L2HGDH: variants seen among roughly 807,000 people sequenced by gnomAD.
The protein encoded by L2HGDH is L-2-hydroxyglutarate dehydrogenase, mitochondrial.
Under a neutral mutation model 51.5 loss-of-function variants are expected in L2HGDH, and 34 were observed. The observed-to-expected ratio is 0.66, with a 90% confidence interval of 0.50 to 0.88. L2HGDH has a LOEUF of 0.88. Among genes scored for constraint, L2HGDH ranks in the 40% least tolerant of loss-of-function variants. L2HGDH has a pLI of 0.00. For missense variants in L2HGDH, 558 were observed against 571.9 expected (o/e 0.98, Z 0.25); for synonymous variants, 198 against 197.9 (o/e 1.00, Z -0.01).
Position 50,263,399 on chromosome 14 carries a change from T to G in L2HGDH, c.1196+1959A>C, listed in dbSNP as rs577282236. ...GAAAAACGTTAGCTGAGTTTTAATC[T>G]TCTAAGGATTCAAACATGCTGGTCT... On this transcript the variant is annotated intron_variant, in intron 9 of 9. Transcript: ENST00000267436. 3.3e-5 allele frequency among the ~76,000 whole-genome samples: 5 copies of G among 152,338 alleles called. No individual in the cohort carries two copies. The South Asian group carries it at 1.0e-3, about 32-fold the overall frequency.
chr14:50,312,193 C>G lies in L2HGDH; in HGVS notation c.-43G>C, dbSNP rs1177775138. The G allele has an allele frequency of 3.1e-6, 5 of 1,604,522 alleles. No individual in the cohort carries two copies. The African/African-American group carries it at 6.7e-5, about 21-fold the overall frequency. On this transcript the variant is annotated 5_prime_UTR_variant, in exon 1 of 10. Coordinates refer to ENST00000267436, the MANE Select transcript of L2HGDH (RefSeq NM_024884.3). ...CTCCCTCAGCGCTCAGAAGAAGCCACTTGACCCTCCACGGCCGAGGACCCG... is the reference window on the plus strand; with the variant it reads ...CTCCCTCAGCGCTCAGAAGAAGCCAGTTGACCCTCCACGGCCGAGGACCCG...
At position 50,278,569 on chromosome 14, in the gene L2HGDH, T is replaced by C; in HGVS notation, c.704-15A>G. ...ATATTGCATTCCTGAAAAAAAAGAA[T>C]AAGTGAAAAATTTATTTTTAGCAAA... On this transcript the variant is annotated splice_polypyrimidine_tract_variant and intron_variant, in intron 5 of 9. Coordinates refer to ENST00000267436, the MANE Select transcript of L2HGDH (RefSeq NM_024884.3). The C allele has an allele frequency of 1.5e-6, 2 of 1,336,812 alleles. No homozygotes were observed. The highest frequency in any genetic ancestry group is 1.3e-5 in the South Asian group (1 of 79,948). 82.8% of individuals were successfully genotyped at this position (1,336,812 alleles called of 1,614,324 possible). A position where few individuals can be genotyped will look rare whatever the true frequency, so the allele number is the denominator to read the frequency against.
At position 50,244,960 on chromosome 14, in the gene L2HGDH, C is replaced by CATTTCTATTTTCTA; in HGVS notation, c.*2097_*2098insTAGAAAATAGAAAT. On this transcript the variant is annotated 3_prime_UTR_variant, in exon 10 of 10. Coordinates refer to ENST00000267436, the MANE Select transcript of L2HGDH (RefSeq NM_024884.3). ...ACTCAAAGTTCTGCAGTCAGGTCGC[C>CATTTCTATTTTCTA]ACATTTTCATTTACAATTTCTATTT... The CATTTCTATTTTCTA allele has an allele frequency of 1.0e-6, 1 of 985,450 alleles. No homozygotes were observed. The highest frequency in any genetic ancestry group is 1.2e-6 in the Non-Finnish European group (1 of 829,898). 61.0% of individuals were successfully genotyped at this position (985,450 alleles called of 1,614,324 possible). A position where few individuals can be genotyped will look rare whatever the true frequency, so the allele number is the denominator to read the frequency against.
chr14:50,270,724 T>A (rs1889630145), intron 6 of L2HGDH, among the ~76,000 whole-genome samples: 1 of 152,138 alleles, frequency 6.6e-6, no homozygotes, highest in Admixed American at 6.6e-5. Flanking sequence ...GCCAGGATGG[T>A]CTCGATCTCC....
chr14:50,306,507 C>A (rs181113298), intron 1 of L2HGDH, among the ~76,000 whole-genome samples: 52 of 151,928 alleles, frequency 3.4e-4, no homozygotes, highest in Non-Finnish European at 6.6e-4. Flanking sequence ...GGTAGCATAA[C>A]CTTGGCCCTT....
intron 4 of L2HGDH, among the ~76,000 whole-genome samples, chr14:50,291,060 T>C (rs1345510297): frequency 6.0e-5 from 9 of 151,114 alleles, no homozygotes; most frequent in Non-Finnish European, 1.5e-5. Flanking sequence ...TAGCCAGGCA[T>C]GGTGACATGT....
intron 7 of L2HGDH, 112 bp from the exon 8 acceptor site, chr14:50,268,022 T>C (rs1889446032): frequency 6.8e-6 from 7 of 1,025,292 alleles, no homozygotes; most frequent in South Asian, 2.6e-5. Context: ...TTAATTTGTA[T>C]TGTGAGCTGT....
rs567414465 is a variant in L2HGDH at position 50,244,957 on chromosome 14, C to A, written c.*2101G>T. 1 of 985,370 alleles carries A rather than the reference C, an allele frequency of 1.0e-6. No homozygotes were observed. 61.0% of individuals were successfully genotyped at this position (985,370 alleles called of 1,614,324 possible). On this transcript the variant is annotated 3_prime_UTR_variant, in exon 10 of 10. Transcript: ENST00000267436. ...AGTACTCAAAGTTCTGCAGTCAGGT[C>A]GCCACATTTTCATTTACAATTTCTA...
intron 8 of L2HGDH, 27 bp from the exon 9 acceptor site, chr14:50,265,516 TGAGA>T: frequency 2.5e-6 from 4 of 1,596,668 alleles, no homozygotes; most frequent in Non-Finnish European, 3.4e-6. Context: ...AAAATCTTTA[TGAGA>T]GAAAGGAATT....
At chr14:50,297,171 A>T (rs1201841741) in intron 3 of L2HGDH, among the ~76,000 whole-genome samples, 1 of 152,206 alleles carries the variant, frequency 6.6e-6, no homozygotes, top group Non-Finnish European at 1.5e-5. Flanking sequence ...AAAAGATTGA[A>T]TGCTTTCTCT....
intron 9 of L2HGDH, among the ~76,000 whole-genome samples, chr14:50,252,629 G>T (rs549014434): frequency 3.7e-4 from 56 of 151,968 alleles, no homozygotes; most frequent in Non-Finnish European, 6.9e-4. Context: ...GGAATAGCTA[G>T]AATAGCTATA....
At chr14:50,283,547 T>C (rs917696741) in intron 5 of L2HGDH, among the ~76,000 whole-genome samples, 1 of 152,124 alleles carries the variant, frequency 6.6e-6, no homozygotes, top group African/African-American at 2.4e-5. Flanking sequence ...CCAAGGAGGA[T>C]TGGTTCCAGG....
rs1887954443 is a variant in L2HGDH at position 50,245,505 on chromosome 14, T to C, written c.*1553A>G. 2 of 974,710 alleles carry C rather than the reference T, an allele frequency of 2.1e-6. No individual in the cohort carries two copies. The highest frequency in any genetic ancestry group is 1.1e-4 in the East Asian group (1 of 8,792). The allele number at this position is 974,710 out of a possible 1,614,324, so 60.4% of individuals were successfully genotyped here. A position where few individuals can be genotyped will look rare whatever the true frequency, so the allele number is the denominator to read the frequency against. ...AGTTTGTTTTGTTATTTCCTACAAATATTATAATTAAGATAGAAACTTATT... is the reference window on the plus strand; with the variant it reads ...AGTTTGTTTTGTTATTTCCTACAAACATTATAATTAAGATAGAAACTTATT... On this transcript the variant is annotated 3_prime_UTR_variant, in exon 10 of 10. Transcript: ENST00000267436.
At chr14:50,279,567 C>T (rs967193435) in intron 5 of L2HGDH, among the ~76,000 whole-genome samples, 2 of 151,940 alleles carry the variant, frequency 1.3e-5, no homozygotes, top group Non-Finnish European at 2.9e-5. Flanking sequence ...GGGCCAAGCA[C>T]AGTGGCTCAT....
At position 50,265,357 on chromosome 14, in the gene L2HGDH, C is replaced by T; in HGVS notation, c.1196+1G>A. 1 of 1,610,534 alleles carries T rather than the reference C, an allele frequency of 6.2e-7. No homozygotes were observed. Among genetic ancestry groups the T allele is most frequent in the Non-Finnish European group, 8.5e-7 (1 of 1,176,936 alleles). On this transcript the variant is annotated splice_donor_variant, in intron 9 of 9. Coordinates refer to ENST00000267436, the MANE Select transcript of L2HGDH (RefSeq NM_024884.3). LOFTEE classifies it high-confidence loss of function. ...TTACACTCCTTATCCCTTTTCCTTA[C>T]CTAAGTATATCACTGATAGTAATTT... is the stretch of plus-strand genomic sequence containing the variant.
intron 8 of L2HGDH, among the ~76,000 whole-genome samples, chr14:50,267,391 CCAGGATGGT>C (rs1291426590): frequency 1.3e-5 from 2 of 152,046 alleles, no homozygotes; most frequent in Admixed American, 1.3e-4. Flanking sequence ...ATCGTGTTAG[CCAGGATGGT>C]CTTGATCTCC....
chr14:50,272,137 T>A (rs1236549998), intron 6 of L2HGDH, among the ~76,000 whole-genome samples: 4 of 152,166 alleles, frequency 2.6e-5, no homozygotes, highest in Non-Finnish European at 5.9e-5. Context: ...TGAGACTGTC[T>A]CAAAAAGAAA....
intron 1 of L2HGDH, among the ~76,000 whole-genome samples, chr14:50,306,817 T>G (rs927104459): frequency 2.0e-5 from 3 of 152,062 alleles, no homozygotes; most frequent in Non-Finnish European, 4.4e-5. Context: ...CTGAAAATTT[T>G]TTTTTAAAAA....
At chr14:50,258,594 G>C (rs1012256349) in intron 9 of L2HGDH, among the ~76,000 whole-genome samples, 2 of 151,952 alleles carry the variant, frequency 1.3e-5, no homozygotes, top group Non-Finnish European at 2.9e-5. Context: ...GCTCACTATA[G>C]CCTTTAACTC....
Sources: gnomAD v4.1 joint callset for allele counts (sites outside exome capture counted in the v4.1 genomes callset) on GRCh38, gnomAD v4.1.1 for gene constraint, MANE v1.5 for transcripts, NCBI Gene and HGNC (gene_info 2026-07-23, HGNC 2026-07-21) for gene names.